ZSCAN25: variants seen among roughly 807,000 people sequenced by gnomAD.
ZSCAN25 encodes zinc finger and SCAN domain-containing protein 25.
A neutral mutation model predicts 38.7 loss-of-function variants in ZSCAN25; 27 were observed. The observed-to-expected ratio is 0.70, with a 90% confidence interval of 0.51 to 0.96. The LOEUF is 0.96. Ranked by LOEUF, ZSCAN25 falls within the 40% of genes least tolerant of loss-of-function variation. The pLI, the probability that ZSCAN25 is intolerant of heterozygous loss-of-function variation, is 0.00. For synonymous variants in ZSCAN25, 273 were observed against 277.7 expected (o/e 0.98, Z 0.17); for missense variants, 637 against 705.9 (o/e 0.90, Z 1.11).
the ZSCAN25 span, among the ~76,000 whole-genome samples, chr7:99,661,859 C>T: frequency 1.3e-5 from 2 of 152,180 alleles, no homozygotes; most frequent in African/African-American, 2.4e-5. Flanking sequence ...TAGCCACTAT[C>T]CACATGTGGC....
chr7:99,662,518 G>A, the ZSCAN25 span, among the ~76,000 whole-genome samples: 1 of 152,140 alleles, frequency 6.6e-6, no homozygotes, highest in South Asian at 2.1e-4. The surrounding 1 kb of genome is among the most constrained non-coding windows in gnomAD (Gnocchi z 4.3). Context: ...GTTCTCACTT[G>A]GTGGATCTGG....
the ZSCAN25 span, chr7:99,705,604 G>C: frequency 8.1e-6 from 13 of 1,612,516 alleles, no homozygotes; most frequent in Non-Finnish European, 1.1e-5. Flanking sequence ...ATCTGCAACA[G>C]TTAAACGAGC....
At chr7:99,693,139 ACAGT>A in the ZSCAN25 span, among the ~76,000 whole-genome samples, 11 of 152,152 alleles carry the variant, frequency 7.2e-5, no homozygotes, top group South Asian at 1.2e-3. Flanking sequence ...TTTTCTTCTA[ACAGT>A]CAGACTCCTC....
At chr7:99,645,644 A>G in the ZSCAN25 span, among the ~76,000 whole-genome samples, 1 of 152,032 alleles carries the variant, frequency 6.6e-6, no homozygotes, top group African/African-American at 2.4e-5. Context: ...ATTAATAGCC[A>G]TTCTGACTGG....
chr7:99,628,862 G>A (rs1807725103), intron 7 of ZSCAN25, among the ~76,000 whole-genome samples: 1 of 152,198 alleles, frequency 6.6e-6, no homozygotes, highest in African/African-American at 2.4e-5. Context: ...TAAAGTGCTA[G>A]TTAGGTGCAC....
At chr7:99,687,375 G>T in the ZSCAN25 span, among the ~76,000 whole-genome samples, 1 of 152,250 alleles carries the variant, frequency 6.6e-6, no homozygotes, top group African/African-American at 2.4e-5. Context: ...CATGAAGAAT[G>T]CAGAAGCCTC....
At chr7:99,622,301 G>A (rs1030420550) in intron 5 of ZSCAN25, 32 of 536,332 alleles carry the variant, frequency 6.0e-5, no homozygotes, top group African/African-American at 4.6e-4. Flanking sequence ...GGTAGCCCTG[G>A]ACGGACAGGG....
downstream of ZSCAN25, among the ~76,000 whole-genome samples, chr7:99,633,303 C>G (rs1455726802): frequency 6.6e-6 from 1 of 152,182 alleles, no homozygotes. Flanking sequence ...GTGACATGCC[C>G]TGTTTCTCTT....
the ZSCAN25 span, chr7:99,705,441 G>A: frequency 1.9e-6 from 3 of 1,563,932 alleles, no homozygotes; most frequent in Non-Finnish European, 2.6e-6. Flanking sequence ...GTAATTTGAG[G>A]TCTCTGGTGT....
At chr7:99,662,854 A>G in the ZSCAN25 span, 343 of 1,613,988 alleles carry the variant, frequency 2.1e-4, 2 homozygotes, top group African/African-American at 2.1e-3. This position sits in a 1 kb window ranked among gnomAD's most constrained non-coding sequence, Gnocchi z 4.3. Context: ...CTGGGAGTCA[A>G]TCATCAGCTG....
the ZSCAN25 span, chr7:99,722,471 A>G: frequency 8.3e-7 from 1 of 1,201,354 alleles, no homozygotes; most frequent in Non-Finnish European, 1.2e-6. Context: ...GAGGAAGCTT[A>G]TTTAGAGATG....
Position 99,630,259 on chromosome 7 carries a change from T to G in ZSCAN25, c.*239T>G, listed in dbSNP as rs2151300315. ...GTTTGAGGGAAGCAGTCTCCTGCGG[T>G]TCAGTTCAGGCTGAGATTTTCTCCT... On this transcript the variant is annotated 3_prime_UTR_variant, in exon 8 of 8. Coordinates refer to ENST00000394152, the MANE Select transcript of ZSCAN25 (RefSeq NM_145115.3). 7.6e-7 allele frequency: 1 copy of G among 1,320,022 alleles called. No homozygotes were observed. Among genetic ancestry groups the G allele is most frequent in the Non-Finnish European group, 9.6e-7 (1 of 1,038,120 alleles). The allele number at this position is 1,320,022 out of a possible 1,614,324, so 81.8% of individuals were successfully genotyped here.
chr7:99,705,341 T>C, the ZSCAN25 span: 1 of 798,892 alleles, frequency 1.3e-6, no homozygotes. Context: ...ATACAGACCA[T>C]GAGAGAGCAC....
At chr7:99,716,073 T>C in the ZSCAN25 span, among the ~76,000 whole-genome samples, 1 of 152,194 alleles carries the variant, frequency 6.6e-6, no homozygotes, top group South Asian at 2.1e-4. Flanking sequence ...AAGGTGATTA[T>C]CAGGTGTCAG....
rs956560629 is a variant in ZSCAN25, at chr7:99,631,617, GA to G, written c.*1598del. 3.1e-5 allele frequency: 31 copies of G among 984,900 alleles called. No homozygotes were observed. The highest frequency in any genetic ancestry group is 3.7e-5 in the Non-Finnish European group (31 of 829,876). 61.0% of individuals were successfully genotyped at this position (984,900 alleles called of 1,614,324 possible). On this transcript the variant is annotated 3_prime_UTR_variant, in exon 8 of 8. Coordinates refer to ENST00000394152, the MANE Select transcript of ZSCAN25 (RefSeq NM_145115.3). ...TCTTAATACCAGATTCTTTTACTGA[GA>G]TTTTTTTTTTTCATTTTCCATTGTA...
At chr7:99,666,584 G>A in the ZSCAN25 span, 5 of 1,611,656 alleles carry the variant, frequency 3.1e-6, no homozygotes, top group African/African-American at 5.3e-5. Flanking sequence ...GAACCCCATG[G>A]CTGTGCTCCT....
the ZSCAN25 span, among the ~76,000 whole-genome samples, chr7:99,696,608 GT>G: frequency 0.05 from 7,553 of 152,232 alleles, 233 homozygotes; most frequent in Middle Eastern, 0.12. Context: ...GAATGACAGT[GT>G]GCAGAAGATC....
intron 5 of ZSCAN25, 58 bp downstream of exon 5, chr7:99,621,632 A>G (rs2151263104): frequency 4.0e-6 from 5 of 1,259,358 alleles, no homozygotes; most frequent in East Asian, 3.1e-5. Flanking sequence ...CTGTGCAGCC[A>G]ACTCTCTTCA....
At chr7:99,720,889 T>A in the ZSCAN25 span, 10 of 171,852 alleles carry the variant, frequency 5.8e-5, no homozygotes, top group Non-Finnish European at 1.3e-4. Context: ...CATCCAGAGC[T>A]GTGTGTCCTT....
Sources: gnomAD v4.1 joint callset for allele counts (sites outside exome capture counted in the v4.1 genomes callset) on GRCh38, gnomAD v4.1.1 for gene constraint, Gnocchi (gnomAD v3.1) non-coding constraint, MANE v1.5 for transcripts, NCBI Gene and HGNC (gene_info 2026-07-23, HGNC 2026-07-21) for gene names.